Variants in PNMA6E observed in about 807,000 individuals in gnomAD.
The protein encoded by PNMA6E is paraneoplastic antigen Ma6E.
For missense variants in PNMA6E, 78 were observed against 50.8 expected, an observed-to-expected ratio of 1.53 and a Z score of -1.63; for synonymous variants, 43 against 17.1, an observed-to-expected ratio of 2.52 and a Z score of -3.74.
chrX:153,405,251 C>T (rs782293149), upstream of PNMA6E, among the ~76,000 whole-genome samples: 2 of 112,294 alleles, frequency 1.8e-5, no homozygotes, highest in East Asian at 2.8e-4. Context: ...CAAGTGTTGT[C>T]GCCTCTCCAA....
At position 153,397,470 on chromosome X, in the gene PNMA6E, G is replaced by A. The variant is rs1053776815; in HGVS notation, c.1380C>T (p.Arg460=). 6.7e-6 allele frequency: 2 copies of A among 297,596 alleles called. No homozygotes were observed. The highest frequency in any genetic ancestry group is 2.7e-5 in the African/African-American group (1 of 36,967). 24.5% of individuals were successfully genotyped at this position (297,596 alleles called of 1,213,427 possible). ...LRLQQVLSWA[R]PSEALQDTLR... The stretch of plus-strand genomic sequence containing the variant: ...GGGTATCCTGGAGTGCCTCGCTGGG[G>A]CGGGCCCAAGACAGCACCTGCTGTA... The change falls in exon 2 of 2, where the codon CGC becomes CGT. Residue 460 remains arginine, a synonymous_variant. Coordinates refer to ENST00000445091, the MANE Select transcript of PNMA6E (RefSeq NM_001367770.1).
chrX:153,404,811 A>G (rs1450202754), upstream of PNMA6E, among the ~76,000 whole-genome samples: 4 of 110,857 alleles, frequency 3.6e-5, no homozygotes, highest in Non-Finnish European at 7.6e-5. Flanking sequence ...CCCAAAGTCT[A>G]CTCTCTGAGT....
At chrX:153,403,023 T>C (rs782699602), upstream of PNMA6E, among the ~76,000 whole-genome samples, 1 of 112,899 alleles carries the variant, frequency 8.9e-6, no homozygotes, top group South Asian at 3.6e-4. Flanking sequence ...TTTTTCTTTG[T>C]ATTTATCTTC....
At chrX:153,407,794 G>C in the PNMA6E span, among the ~76,000 whole-genome samples, 1 of 112,230 alleles carries the variant, frequency 8.9e-6, no homozygotes, top group Non-Finnish European at 1.9e-5. Context: ...TGTGTTCCTG[G>C]GGCAACTGTT....
chrX:153,402,069 C>T (rs1410343502), upstream of PNMA6E, among the ~76,000 whole-genome samples: 2 of 110,532 alleles, frequency 1.8e-5, no homozygotes, highest in South Asian at 3.8e-4. Flanking sequence ...GTGATCCGCC[C>T]GCCTCGGCCT....
rs1556971300 is a variant in PNMA6E, at chrX:153,401,247, C to T, written c.-75G>A. On this transcript the variant is annotated 5_prime_UTR_variant, in exon 1 of 2. Transcript: ENST00000445091. ...CAAACCCCCGCGGTCTACTCACTTT[C>T]TCAAACTCTGGGCAATTCCGGGTCT... is the stretch of plus-strand genomic sequence containing the variant. 2 of 109,799 alleles carry T rather than the reference C, an allele frequency of 1.8e-5. No individual in the cohort carries two copies. The highest frequency in any genetic ancestry group is 6.7e-5 in the African/African-American group (2 of 29,976). The allele number at this position is 109,799 out of a possible 1,213,427, so 9.0% of individuals were successfully genotyped here. A position where few individuals can be genotyped will look rare whatever the true frequency, so the allele number is the denominator to read the frequency against.
chrX:153,410,486 G>A, the PNMA6E span, among the ~76,000 whole-genome samples: 5 of 111,493 alleles, frequency 4.5e-5, no homozygotes, highest in African/African-American at 1.6e-4. Flanking sequence ...CCCTGCCTCT[G>A]CGCCGGGAAA....
chrX:153,396,020 G>A lies in PNMA6E; in HGVS notation c.*886C>T, dbSNP rs1027852097. The A allele has an allele frequency of 1.5e-4, 17 of 114,864 alleles. No homozygotes were observed. Among genetic ancestry groups the A allele is most frequent in the African/African-American group, 2.3e-4 (7 of 30,965 alleles). 9.5% of individuals were successfully genotyped at this position (114,864 alleles called of 1,213,427 possible). On this transcript the variant is annotated 3_prime_UTR_variant, in exon 2 of 2. Coordinates refer to ENST00000445091, the MANE Select transcript of PNMA6E (RefSeq NM_001367770.1). The stretch of plus-strand genomic sequence containing the variant: ...TCACAAGTAACAACAGGGGTGAAAC[G>A]CCAAAGCATAGTTCTTGTGGATCCT...
At position 153,397,741 on chromosome X, in the gene PNMA6E, G is replaced by A. The variant is rs1258024156; in HGVS notation, c.1109C>T (p.Pro370Leu). The stretch of plus-strand genomic sequence containing the variant: ...GAGGCCGCTCACGACTTCCAGGGCC[G>A]GGCCGCCCAAGCTCTCCAGCAGCCA... ...KRWLLESLGG[P>L]ALEVVSGLLE... is the part of the protein sequence containing the mutation. The change falls in exon 2 of 2, where the codon CCG becomes CTG. Residue 370 changes from proline to leucine, a missense_variant. Transcript: ENST00000445091. The A allele has an allele frequency of 5.6e-5, 17 of 305,529 alleles. No individual in the cohort carries two copies. The highest frequency in any genetic ancestry group is 1.1e-4 in the Admixed American group (2 of 17,734). 25.2% of individuals were successfully genotyped at this position (305,529 alleles called of 1,213,427 possible).
At chrX:153,407,953 C>G in the PNMA6E span, among the ~76,000 whole-genome samples, 8 of 112,932 alleles carry the variant, frequency 7.1e-5, no homozygotes, top group African/African-American at 2.6e-4. Flanking sequence ...TTCTCTAGCA[C>G]ACAGGCAGCA....
chrX:153,413,952 G>A, the PNMA6E span, among the ~76,000 whole-genome samples: 10 of 112,295 alleles, frequency 8.9e-5, no homozygotes, highest in African/African-American at 1.6e-4. Flanking sequence ...GTCTCTGGGC[G>A]GCCTCCCGCC....
upstream of PNMA6E, chrX:153,403,992 T>G (rs1305456756): frequency 9.5e-6 from 1 of 104,763 alleles, no homozygotes; most frequent in African/African-American, 3.5e-5. Context: ...TTTTTTTTTT[T>G]TTTTTTACAC....
chrX:153,397,057 C>T lies in PNMA6E; in HGVS notation c.1793G>A (p.Ser598Asn). The T allele has an allele frequency of 3.4e-6, 1 of 298,061 alleles. No homozygotes were observed. Among genetic ancestry groups the T allele is most frequent in the Non-Finnish European group, 5.9e-6 (1 of 170,445 alleles). 24.6% of individuals were successfully genotyped at this position (298,061 alleles called of 1,213,427 possible). Residue 598 changes from serine to asparagine, a missense_variant, in exon 2 of 2, where the codon AGC becomes AAC. Coordinates refer to ENST00000445091, the MANE Select transcript of PNMA6E (RefSeq NM_001367770.1). ...SAVWVFPRGLSWGPEGLIQVR... is the reference protein window; with the variant it reads ...SAVWVFPRGLNWGPEGLIQVR... The stretch of plus-strand genomic sequence containing the variant: ...CTGGATGAGGCCCTCTGGACCCCAG[C>T]TAAGACCTCTTGGGAACACCCAGAC...
Position 153,398,073 on chromosome X carries a change from T to C in PNMA6E, c.777A>G (p.Ala259=), listed in dbSNP as rs191685044. 9.5e-5 allele frequency: 42 copies of C among 443,125 alleles called. No individual in the cohort carries two copies. The highest frequency in any genetic ancestry group is 3.0e-4 in the African/African-American group (12 of 39,943). The allele number at this position is 443,125 out of a possible 1,213,427, so 36.5% of individuals were successfully genotyped here. The change falls in exon 2 of 2, where the codon GCA becomes GCG. Residue 259 remains alanine, a synonymous_variant. Coordinates refer to ENST00000445091, the MANE Select transcript of PNMA6E (RefSeq NM_001367770.1). Reference sequence around the variant, plus strand: ...CCTCACCCACAGCTCCTGCCTCACCTGCTGCTCCTGCCTCACCTGCTGCTC... The same window carrying C: ...CCTCACCCACAGCTCCTGCCTCACCCGCTGCTCCTGCCTCACCTGCTGCTC... ...EGRAAGEAGA[A]GEAGAVGEAG...
upstream of PNMA6E, among the ~76,000 whole-genome samples, chrX:153,402,385 T>C (rs1556971557): frequency 9.0e-6 from 1 of 111,547 alleles, no homozygotes. Context: ...GATTCCTATA[T>C]ATATCCTTTA....
chrX:153,411,589 G>A, the PNMA6E span, among the ~76,000 whole-genome samples: 1 of 113,013 alleles, frequency 8.8e-6, no homozygotes, highest in Non-Finnish European at 1.9e-5. Context: ...CCCCCCGCCC[G>A]CGTTTCCTGG....
At chrX:153,413,760 C>T in the PNMA6E span, among the ~76,000 whole-genome samples, 4 of 112,027 alleles carry the variant, frequency 3.6e-5, no homozygotes, top group Admixed American at 9.4e-5. Context: ...GGAGTAGTGC[C>T]CACCTGGGTG....
the PNMA6E span, among the ~76,000 whole-genome samples, chrX:153,407,252 C>A: frequency 8.9e-6 from 1 of 112,254 alleles, no homozygotes; most frequent in African/African-American, 3.2e-5. Flanking sequence ...GGTGACTCTT[C>A]AGCTCCTTAC....
rs1237445470 is a variant in PNMA6E at position 153,401,278 on chromosome X, T to C, written c.-106A>G. Reference sequence around the variant, plus strand: ...CTCTGGGCAATTCCGGGTCTCTCAGTGGGAAGTCAGATATCTGGGTCTCTC... The same window carrying C: ...CTCTGGGCAATTCCGGGTCTCTCAGCGGGAAGTCAGATATCTGGGTCTCTC... On this transcript the variant is annotated 5_prime_UTR_variant, in exon 1 of 2. Transcript: ENST00000445091. 1 of 110,361 alleles carries C rather than the reference T, an allele frequency of 9.1e-6. No homozygotes were observed. The highest frequency in any genetic ancestry group is 3.3e-5 in the African/African-American group (1 of 30,195). The allele number at this position is 110,361 out of a possible 1,213,427, so 9.1% of individuals were successfully genotyped here. A position where few individuals can be genotyped will look rare whatever the true frequency, so the allele number is the denominator to read the frequency against.
Sources: gnomAD v4.1 joint callset for allele counts (sites outside exome capture counted in the v4.1 genomes callset) on GRCh38, gnomAD v4.1.1 for gene constraint, MANE v1.5 for transcripts, NCBI Gene and HGNC (gene_info 2026-07-23, HGNC 2026-07-21) for gene names.